The following GPC5 variants were observed in gnomAD, a reference collection of about 807,000 sequenced individuals.
GPC5 encodes glypican-5.
In GPC5, 47 loss-of-function variants were observed where a neutral mutation model predicts 53.9. The ratio of observed to expected loss-of-function variants is 0.87; its 90% CI spans 0.69 to 1.11. The LOEUF (loss-of-function observed/expected upper bound fraction) is 1.11. GPC5 is among the 50% of genes most tolerant of loss of function. The pLI is 0.00. For missense variants in GPC5, 748 were observed against 713.1 expected (o/e 1.05, Z -0.56); for synonymous variants, 286 against 263.3 (o/e 1.09, Z -0.84).
chr13:92,341,947 GA>G (rs1410274353), intron 7 of GPC5, among the ~76,000 whole-genome samples: 1 of 152,110 alleles, frequency 6.6e-6, no homozygotes, highest in African/African-American at 2.4e-5. Context: ...TTTCTGAGAA[GA>G]AATACTGTTT....
intron 5 of GPC5, among the ~76,000 whole-genome samples, chr13:91,772,576 G>C (rs976037558): frequency 6.6e-6 from 1 of 151,986 alleles, no homozygotes; most frequent in South Asian, 2.1e-4. Flanking sequence ...AAGAATATAG[G>C]TATTTCCTTC....
At chr13:91,880,584 T>C (rs2039253358) in intron 5 of GPC5, among the ~76,000 whole-genome samples, 4 of 152,196 alleles carry the variant, frequency 2.6e-5, no homozygotes, top group Admixed American at 2.6e-4. Context: ...TTTAGTCATT[T>C]TAATATTCTC....
intron 7 of GPC5, among the ~76,000 whole-genome samples, chr13:92,366,079 C>T (rs531689860): frequency 6.6e-6 from 1 of 151,688 alleles, no homozygotes; most frequent in Non-Finnish European, 1.5e-5. Flanking sequence ...TCACCACAAA[C>T]ACATGAGTAA....
In GPC5 at chr13:91,896,355, G is replaced by A. The variant is rs182609108; in HGVS notation, c.1281-11582G>A. On this transcript the variant is annotated intron_variant, in intron 5 of 7. Coordinates refer to ENST00000377067, the MANE Select transcript of GPC5 (RefSeq NM_004466.6). ...AGGATGGTCTGAATCTCCTGACCTCGTTATCCAGCCACCTCCGCCTCCCAA... is the reference window on the plus strand; with the variant it reads ...AGGATGGTCTGAATCTCCTGACCTCATTATCCAGCCACCTCCGCCTCCCAA... Among the ~76,000 whole-genome samples, 5 of 152,068 alleles carry A rather than the reference G, an allele frequency of 3.3e-5. No homozygotes were observed. In the East Asian group the frequency reaches 5.8e-4, roughly 18 times the overall value.
intron 2 of GPC5, among the ~76,000 whole-genome samples, chr13:91,515,663 T>C (rs976565552): frequency 7.9e-5 from 12 of 152,208 alleles, no homozygotes; most frequent in Non-Finnish European, 1.6e-4. Context: ...TATGATGGCA[T>C]TTAGACCCCA....
chr13:91,431,029 C>G (rs999504278), intron 1 of GPC5, among the ~76,000 whole-genome samples: 3 of 151,984 alleles, frequency 2.0e-5, no homozygotes, highest in Non-Finnish European at 4.4e-5. Context: ...TGCATGCTAC[C>G]ATGCCTGACT....
chr13:91,693,563 A>C lies in GPC5; in HGVS notation c.702A>C (p.Glu234Asp). The C allele has an allele frequency of 6.2e-7, 1 of 1,614,054 alleles. No individual in the cohort carries two copies. Among genetic ancestry groups the C allele is most frequent in the Non-Finnish European group, 8.5e-7 (1 of 1,180,002 alleles). Residue 234 changes from glutamate (E) to aspartate (D), a missense_variant, in exon 3 of 8, where the codon GAA (glutamate) becomes GAC (aspartate). By Grantham distance (45) the Glu-to-Asp change is conservative (BLOSUM62 2). Coordinates refer to ENST00000377067, the MANE Select transcript of GPC5 (RefSeq NM_004466.6). ...TFLQALNLGIEVINTTDYLHF... is the reference protein window; with the variant it reads ...TFLQALNLGIDVINTTDYLHF... ...TGCAGGCACTCAATCTGGGCATTGA[A>C]GTCATCAACACCACAGACTATCTGC...
At chr13:91,459,158 G>T (rs1881762346) in intron 2 of GPC5, among the ~76,000 whole-genome samples, 2 of 151,640 alleles carry the variant, frequency 1.3e-5, no homozygotes, top group Non-Finnish European at 2.9e-5. Flanking sequence ...CACCGCTAAA[G>T]AACTTATCCA....
chr13:92,473,506 C>T (rs1171037283), intron 7 of GPC5, among the ~76,000 whole-genome samples: 2 of 152,078 alleles, frequency 1.3e-5, no homozygotes, highest in Non-Finnish European at 2.9e-5. Context: ...AAATGATTCT[C>T]ATCAATAGTA....
chr13:91,832,300 C>CTTTTTTTT (rs55698516), intron 5 of GPC5, among the ~76,000 whole-genome samples: 2 of 122,986 alleles, frequency 1.6e-5, no homozygotes, highest in East Asian at 2.4e-4. Context: ...GCTTTTTTCT[C>CTTTTTTTT]TTTTTTTTTT....
intron 2 of GPC5, among the ~76,000 whole-genome samples, chr13:91,537,892 T>C (rs1414721): frequency 0.77 from 117,330 of 152,158 alleles, 46,410 homozygotes; most frequent in East Asian, 1. Context: ...CACAGGAGAA[T>C]TGAAAACGTA....
At chr13:91,593,341 C>T (rs7999181) in intron 2 of GPC5, among the ~76,000 whole-genome samples, 129,879 of 152,142 alleles carry the variant, frequency 0.85, 57,311 homozygotes, top group Non-Finnish European at 0.96. Flanking sequence ...AAGCCGTGGT[C>T]GCACTCAGTG....
rs74629567 is a variant in GPC5, at chr13:92,353,455, A to T, written c.1561+208466A>T. Among the ~76,000 whole-genome samples the T allele has an allele frequency of 3.0e-3, 450 of 152,192 alleles. 2 individuals are homozygous for T. The highest frequency in any genetic ancestry group is 0.01 in the African/African-American group (421 of 41,530). The stretch of plus-strand genomic sequence containing the variant: ...ATCATGAAATCTTTCATATAAAGTA[A>T]TACCTGACTATAAAGAAAGTAAGGA... On this transcript the variant is annotated intron_variant, in intron 7 of 7. Coordinates refer to ENST00000377067, the MANE Select transcript of GPC5 (RefSeq NM_004466.6).
intron 2 of GPC5, among the ~76,000 whole-genome samples, chr13:91,689,254 AT>A (rs1297889347): frequency 2.2e-5 from 3 of 134,762 alleles, no homozygotes; most frequent in Non-Finnish European, 3.2e-5. Flanking sequence ...TATGGTATAA[AT>A]TTTTTTTAAA....
chr13:91,456,732 A>G (rs1881585024), intron 2 of GPC5, among the ~76,000 whole-genome samples: 1 of 152,030 alleles, frequency 6.6e-6, no homozygotes, highest in African/African-American at 2.4e-5. Context: ...TTATATTGAT[A>G]ATGATATATA....
chr13:91,750,002 G>T (rs1339358354), intron 4 of GPC5, among the ~76,000 whole-genome samples: 1 of 152,082 alleles, frequency 6.6e-6, no homozygotes, highest in Non-Finnish European at 1.5e-5. Flanking sequence ...TAGAAACGGG[G>T]TTTAGCCATG....
At chr13:92,714,134 T>C (rs533445082) in intron 7 of GPC5, among the ~76,000 whole-genome samples, 96 of 152,284 alleles carry the variant, frequency 6.3e-4, no homozygotes, top group African/African-American at 2.2e-3. Flanking sequence ...GGGAAGAAAA[T>C]AGCTTACCAG....
intron 7 of GPC5, among the ~76,000 whole-genome samples, chr13:92,213,812 T>C (rs1021461381): frequency 3.3e-5 from 5 of 152,184 alleles, no homozygotes; most frequent in African/African-American, 4.8e-5. Context: ...TAGATAGATC[T>C]GACTATATCT....
chr13:91,725,559 T>C lies in GPC5; in HGVS notation c.1021-2973T>C, dbSNP rs529603111. On this transcript the variant is annotated intron_variant, in intron 3 of 7. Transcript: ENST00000377067. ...GGGCTTTGAAATTTACTTGCATTTA[T>C]TAGAATCAGCTATATATGCTTTTAT... is the stretch of plus-strand genomic sequence containing the variant. 3.3e-5 allele frequency among the ~76,000 whole-genome samples: 5 copies of C among 152,320 alleles called. No homozygotes were observed. In the South Asian group the frequency reaches 8.3e-4, roughly 25 times the overall value.
Sources: gnomAD v4.1 joint callset for allele counts (sites outside exome capture counted in the v4.1 genomes callset) on GRCh38, gnomAD v4.1.1 for gene constraint, MANE v1.5 for transcripts, NCBI Gene and HGNC (gene_info 2026-07-23, HGNC 2026-07-21) for gene names.